Variants in ZEB1 observed in about 807,000 individuals in gnomAD.
The protein encoded by ZEB1 is zinc finger E-box-binding homeobox 1.
ZEB1 carries 21 observed loss-of-function variants against 84.9 expected under a neutral mutation model. The ratio of observed to expected loss-of-function variants is 0.25; its 90% CI spans 0.18 to 0.36. The LOEUF (loss-of-function observed/expected upper bound fraction) is 0.36. Among genes scored for constraint, ZEB1 ranks in the 10% least tolerant of loss-of-function variants. The pLI, the probability that ZEB1 is intolerant of heterozygous loss-of-function variation, is 1.00. For missense variants in ZEB1, 1,104 were observed against 1,330.2 expected, an observed-to-expected ratio of 0.83 and a Z score of 2.65; for synonymous variants, 420 against 471.1, an observed-to-expected ratio of 0.89 and a Z score of 1.41.
At chr10:31,442,567 TA>T (rs61471490) in intron 1 of ZEB1, among the ~76,000 whole-genome samples, 15,245 of 142,416 alleles carry the variant, frequency 0.11, 2,243 homozygotes, top group African/African-American at 0.34. Flanking sequence ...ATAATAATAA[TA>T]AAAAAAAAAG....
intron 6 of ZEB1, among the ~76,000 whole-genome samples, chr10:31,516,429 A>G (rs7071210): frequency 0.015 from 2,346 of 151,860 alleles, 55 homozygotes; most frequent in African/African-American, 0.053. Flanking sequence ...TGGGGGGACA[A>G]AATGAATGCT....
chr10:31,368,500 C>G (rs1270185606), intron 1 of ZEB1, among the ~76,000 whole-genome samples: 2 of 151,994 alleles, frequency 1.3e-5, no homozygotes, highest in African/African-American at 4.8e-5. Flanking sequence ...ACTTATAATA[C>G]CTAATACAAT....
At chr10:31,371,138 A>G (rs1029070367) in intron 1 of ZEB1, among the ~76,000 whole-genome samples, 1 of 151,662 alleles carries the variant, frequency 6.6e-6, no homozygotes, top group African/African-American at 2.4e-5. Flanking sequence ...TAGATGTGTT[A>G]TCAGTAATGT....
intron 1 of ZEB1, chr10:31,362,936 C>G (rs1177215225): frequency 6.5e-7 from 1 of 1,532,466 alleles, no homozygotes; most frequent in Admixed American, 2.0e-5. Context: ...AGGCGTCCTT[C>G]TCTTTGGGAA....
At chr10:31,341,284 G>A (rs1287831237) in intron 1 of ZEB1, among the ~76,000 whole-genome samples, 1 of 152,112 alleles carries the variant, frequency 6.6e-6, no homozygotes, top group Non-Finnish European at 1.5e-5. Flanking sequence ...ATGGAGAAGA[G>A]GGAGTAGATT....
Position 31,482,279 on chromosome 10 carries a change from C to G in ZEB1, c.260-13497C>G, listed in dbSNP as rs1366493318. ...AATAATTAGAAAACATCAGAGAAATCCAAGTTGAGGGGCATATGACAAAAT... is the reference window on the plus strand; with the variant it reads ...AATAATTAGAAAACATCAGAGAAATGCAAGTTGAGGGGCATATGACAAAAT... On this transcript the variant is annotated intron_variant, in intron 2 of 8. Transcript: ENST00000424869. Among the ~76,000 whole-genome samples the G allele has an allele frequency of 4.6e-5, 7 of 152,012 alleles. No individual in the cohort carries two copies. The East Asian group carries it at 1.4e-3, about 30-fold the overall frequency.
intron 3 of ZEB1, among the ~76,000 whole-genome samples, chr10:31,501,859 C>G (rs1166582919): frequency 1.3e-5 from 2 of 152,138 alleles, no homozygotes; most frequent in Non-Finnish European, 2.9e-5. Flanking sequence ...TCTTCTTGTA[C>G]TGTATTCACC....
At chr10:31,331,603 A>C (rs1006800097) in intron 1 of ZEB1, among the ~76,000 whole-genome samples, 5 of 152,214 alleles carry the variant, frequency 3.3e-5, no homozygotes, top group Admixed American at 2.0e-4. Flanking sequence ...AAACCTTTAG[A>C]ATACAGTTTG....
chr10:31,442,691 A>C (rs900514999), intron 1 of ZEB1, among the ~76,000 whole-genome samples: 5 of 152,190 alleles, frequency 3.3e-5, no homozygotes, highest in Non-Finnish European at 7.3e-5. Flanking sequence ...AGATTGAGGA[A>C]GTGGAGGAAA....
rs1282290635 is a variant in ZEB1, at chr10:31,419,337, A to G, written c.59-41700A>G. On this transcript the variant is annotated intron_variant, in intron 1 of 8. Transcript: ENST00000424869. ...CGGAGAGGGAGGTAGAACCCAGATT[A>G]TGGACAGCCAAGTTAGGGATTTCGA... is the stretch of plus-strand genomic sequence containing the variant. Among the ~76,000 whole-genome samples the G allele has an allele frequency of 2.0e-5, 3 of 152,288 alleles. No homozygotes were observed. In the East Asian group the frequency reaches 5.8e-4, roughly 29 times the overall value.
intron 1 of ZEB1, among the ~76,000 whole-genome samples, chr10:31,379,657 A>G (rs1488826471): frequency 1.3e-5 from 2 of 151,482 alleles, no homozygotes; most frequent in Non-Finnish European, 2.9e-5. Flanking sequence ...GTAATTCCAT[A>G]TTTACTTGTA....
At chr10:31,384,103 G>A (rs2048209126) in intron 1 of ZEB1, among the ~76,000 whole-genome samples, 1 of 149,958 alleles carries the variant, frequency 6.7e-6, no homozygotes, top group Non-Finnish European at 1.5e-5. Flanking sequence ...AGCTACCCAA[G>A]TAGCTGGAAT....
intron 1 of ZEB1, among the ~76,000 whole-genome samples, chr10:31,451,840 G>A (rs975192484): frequency 7.9e-5 from 12 of 152,138 alleles, no homozygotes; most frequent in Non-Finnish European, 1.3e-4. Flanking sequence ...TGGAGGAAGA[G>A]AGAAAGGCCA....
chr10:31,458,335 GTT>G (rs1491234964), intron 1 of ZEB1, among the ~76,000 whole-genome samples: 1 of 96,224 alleles, frequency 1.0e-5, no homozygotes, highest in Admixed American at 8.7e-5. Flanking sequence ...GTGTGTGTGT[GTT>G]GTGTGTGTGT....
intron 1 of ZEB1, among the ~76,000 whole-genome samples, chr10:31,417,247 C>T (rs2055368103): frequency 6.6e-6 from 1 of 152,152 alleles, no homozygotes; most frequent in African/African-American, 2.4e-5. Context: ...CTTATGGTAA[C>T]ATTCATTCTT....
chr10:31,457,667 CTAGAGTCCCA>C (rs1323943106), intron 1 of ZEB1, among the ~76,000 whole-genome samples: 1 of 152,022 alleles, frequency 6.6e-6, no homozygotes, highest in Non-Finnish European at 1.5e-5. Flanking sequence ...AGGAGTTCTG[CTAGAGTCCCA>C]GAAAGTGATA....
rs2073841411 is a variant in ZEB1 at position 31,528,639 on chromosome 10, G to A, written c.*1375G>A. The stretch of plus-strand genomic sequence containing the variant: ...AGTTTTAGAAAACTTTTATATTTAT[G>A]TGTCTTATTTTTATATTTCTTTATT... On this transcript the variant is annotated 3_prime_UTR_variant, in exon 9 of 9. Transcript: ENST00000424869. The A allele has an allele frequency of 6.7e-6, 1 of 150,304 alleles. No homozygotes were observed. Among genetic ancestry groups the A allele is most frequent in the Non-Finnish European group, 1.5e-5 (1 of 67,982 alleles). 9.3% of individuals were successfully genotyped at this position (150,304 alleles called of 1,614,324 possible).
chr10:31,476,190 T>C (rs1488684245), intron 2 of ZEB1, among the ~76,000 whole-genome samples: 1 of 151,902 alleles, frequency 6.6e-6, no homozygotes, highest in Non-Finnish European at 1.5e-5. Flanking sequence ...TTTGAATGGA[T>C]AAACAAAATT....
At chr10:31,436,583 A>G (rs768298756) in intron 1 of ZEB1, among the ~76,000 whole-genome samples, 4 of 152,244 alleles carry the variant, frequency 2.6e-5, no homozygotes, top group East Asian at 1.9e-4. Flanking sequence ...TTCATTGTCT[A>G]TAAAATAAGG....
Sources: gnomAD v4.1 joint callset for allele counts (sites outside exome capture counted in the v4.1 genomes callset) on GRCh38, gnomAD v4.1.1 for gene constraint, MANE v1.5 for transcripts, NCBI Gene and HGNC (gene_info 2026-07-23, HGNC 2026-07-21) for gene names.